The following ENPP7 variants were observed in gnomAD, a reference collection of about 807,000 sequenced individuals.
The protein encoded by ENPP7 is ectonucleotide pyrophosphatase/phosphodiesterase family member 7.
Under a neutral mutation model 33.6 loss-of-function variants are expected in ENPP7, and 39 were observed. That is an observed-to-expected ratio of 1.16 (90% CI 0.90 to 1.52). The LOEUF (loss-of-function observed/expected upper bound fraction) is 1.52, where lower values mean the gene tolerates loss of function less well. ENPP7 is among the 40% of genes most tolerant of loss of function. ENPP7 has a pLI of 0.00. For synonymous variants in ENPP7, 244 were observed against 274.3 expected (o/e 0.89, Z 1.09); for missense variants, 594 against 641.0 (o/e 0.93, Z 0.79).
chr17:79,737,989 G>A lies in ENPP7; in HGVS notation c.1320G>A (p.Arg440=), dbSNP rs782213260. ...KGRSALPPSS[R]PLLVMGLLGT... Reference sequence around the variant, plus strand: ...GATCTGCTCTCCCGCCCAGCAGCAGGCCCCTCCTCGTGATGGGACTGCTGG... The same window carrying A: ...GATCTGCTCTCCCGCCCAGCAGCAGACCCCTCCTCGTGATGGGACTGCTGG... The change falls in exon 5 of 6, where the codon AGG becomes AGA. Residue 440 remains arginine (R), a synonymous_variant. Transcript: ENST00000328313. The surrounding 1 kb of genome is among the most constrained non-coding windows in gnomAD (Gnocchi z 5.5). 4 of 1,613,420 alleles carry A rather than the reference G, an allele frequency of 2.5e-6. No homozygotes were observed. The highest frequency in any genetic ancestry group is 2.2e-5 in the South Asian group (2 of 91,070).
chr17:79,735,401 AC>A lies in ENPP7; in HGVS notation c.759del (p.Asp253GlufsTer79). The A allele has an allele frequency of 6.2e-7, 1 of 1,614,070 alleles. No individual in the cohort carries two copies. Among genetic ancestry groups the A allele is most frequent in the Admixed American group, 1.7e-5 (1 of 60,014 alleles). ...ITSDHGMTTV[D>X]KRAGDLVEFH... ...TCCGACCACGGCATGACGACCGTGG[AC>A]AAACGGGCTGGCGACCTGGTTGAAT... On this transcript the variant is annotated frameshift_variant, in exon 3 of 6. Coordinates refer to ENST00000328313, the MANE Select transcript of ENPP7 (RefSeq NM_178543.5). LOFTEE classifies it high-confidence loss of function. The surrounding 1 kb of genome is among the most constrained non-coding windows in gnomAD (Gnocchi z 5.5).
At chr17:79,731,900 C>A (rs1289027360) in intron 1 of ENPP7, among the ~76,000 whole-genome samples, 5 of 151,990 alleles carry the variant, frequency 3.3e-5, no homozygotes, top group Admixed American at 1.3e-4. Context: ...GAGTTCGAGA[C>A]CTGCCTGGCC....
rs1905545857 is a variant in ENPP7, at chr17:79,741,814, G to A, written c.*37G>A. The A allele has an allele frequency of 6.1e-6, 6 of 986,084 alleles. No homozygotes were observed. The highest frequency in any genetic ancestry group is 9.4e-5 in the South Asian group (2 of 21,326). 61.1% of individuals were successfully genotyped at this position (986,084 alleles called of 1,614,324 possible). On this transcript the variant is annotated 3_prime_UTR_variant, in exon 6 of 6. Coordinates refer to ENST00000328313, the MANE Select transcript of ENPP7 (RefSeq NM_178543.5). ...TCCAGGAAGCCGCCGGGAGCTGCCC[G>A]CAGGCCCTGGGCCGGCTGTCTCGCT...
intron 1 of ENPP7, among the ~76,000 whole-genome samples, chr17:79,732,645 A>T (rs1256118899): frequency 6.6e-6 from 1 of 152,120 alleles, no homozygotes; most frequent in Non-Finnish European, 1.5e-5. Flanking sequence ...ACGTCTCCCC[A>T]GGGCCTTTCC....
Position 79,731,229 on chromosome 17 carries a change from G to T in ENPP7, c.90G>T (p.Gln30His). 6.2e-7 allele frequency: 1 copy of T among 1,613,084 alleles called. No homozygotes were observed. Among genetic ancestry groups the T allele is most frequent in the Non-Finnish European group, 8.5e-7 (1 of 1,179,976 alleles). The change falls in exon 1 of 6, where the codon CAG becomes CAT. Residue 30 changes from glutamine to histidine, a missense_variant. Coordinates refer to ENST00000328313, the MANE Select transcript of ENPP7 (RefSeq NM_178543.5). ...AGAPVQSQGS[Q>H]NKLLLVSFDG... ...CACCGGTACAAAGTCAGGGCTCCCA[G>T]AACAAGCTGCTCCTGGTGTCCTTCG...
chr17:79,734,914 T>C, intron 2 of ENPP7, 129 bp from the exon 3 acceptor site: 9 of 935,826 alleles, frequency 9.6e-6, no homozygotes, highest in Non-Finnish European at 1.4e-5. Flanking sequence ...GCCCCGCAGC[T>C]GCAGCTAGGA....
chr17:79,735,225 C>G lies in ENPP7; in HGVS notation c.582C>G (p.Tyr194Ter), dbSNP rs1555823272. The G allele has an allele frequency of 6.2e-7, 1 of 1,613,428 alleles. No individual in the cohort carries two copies. Among genetic ancestry groups the G allele is most frequent in the Non-Finnish European group, 8.5e-7 (1 of 1,180,020 alleles). Reference protein sequence around the residue: ...TEEDLDLVTLYFGEPDSTGHR... With the variant: ...TEEDLDLVTL ...AGGACCTGGATCTGGTCACACTCTA[C>G]TTCGGGGAGCCGGACTCCACGGGCC... The change falls in exon 3 of 6, where the codon TAC becomes TAG. Residue 194 changes from tyrosine (Y) to a stop codon, truncating the protein, a stop_gained. Transcript: ENST00000328313. LOFTEE classifies it high-confidence loss of function. The surrounding 1 kb of genome is among the most constrained non-coding windows in gnomAD (Gnocchi z 5.5).
rs2094294553 is a variant in ENPP7, at chr17:79,735,728, C to T, written c.1026+59C>T. 1.6e-5 allele frequency: 20 copies of T among 1,244,840 alleles called. No homozygotes were observed. Among genetic ancestry groups the T allele is most frequent in the Admixed American group, 7.4e-5 (3 of 40,482 alleles). The allele number at this position is 1,244,840 out of a possible 1,614,324, so 77.1% of individuals were successfully genotyped here. On this transcript the variant is annotated intron_variant, in intron 3 of 5. Transcript: ENST00000328313. This position sits in a 1 kb window ranked among gnomAD's most constrained non-coding sequence, Gnocchi z 5.5. ...GCTCCCTCCCCAGGCTCTGGGTCTT[C>T]TTTTTTTTTTTTTGAGACCAGGGTC... is the stretch of plus-strand genomic sequence containing the variant.
intron 1 of ENPP7, among the ~76,000 whole-genome samples, chr17:79,732,132 G>GTGTA (rs1555822665): frequency 3.9e-4 from 19 of 48,394 alleles, no homozygotes; most frequent in African/African-American, 1.5e-3. Flanking sequence ...ATATATATAT[G>GTGTA]TATATATATA....
intron 1 of ENPP7, 118 bp downstream of exon 1, chr17:79,731,510 C>A: frequency 8.0e-7 from 1 of 1,250,888 alleles, no homozygotes; most frequent in Non-Finnish European, 1.1e-6. Flanking sequence ...AGGACAGAGC[C>A]AAGGGGACCA....
In ENPP7 at chr17:79,738,047, C is replaced by T. The variant is rs146879039; in HGVS notation, c.*1C>T. 1.3e-3 allele frequency: 2,108 copies of T among 1,609,874 alleles called. 3 individuals are homozygous for T. The highest frequency in any genetic ancestry group is 1.7e-3 in the Non-Finnish European group (1,973 of 1,179,862). ...GATTCTTCTGTCTGAGGTCGCATAA[C>T]GCCCCATGGCTCAAGGTCAGAGACC... On this transcript the variant is annotated 3_prime_UTR_variant, in exon 5 of 6. Transcript: ENST00000328313. This position sits in a 1 kb window ranked among gnomAD's most constrained non-coding sequence, Gnocchi z 6.2.
chr17:79,732,125 T>C (rs1206544058), intron 1 of ENPP7, among the ~76,000 whole-genome samples: 4 of 38,676 alleles, frequency 1.0e-4, no homozygotes, highest in South Asian at 1.8e-3. Flanking sequence ...TATATACATA[T>C]ATATATGTAT....
chr17:79,735,685 G>A lies in ENPP7; in HGVS notation c.1026+16G>A. 1 of 1,593,068 alleles carries A rather than the reference G, an allele frequency of 6.3e-7. No individual in the cohort carries two copies. Among genetic ancestry groups the A allele is most frequent in the Non-Finnish European group, 8.6e-7 (1 of 1,167,182 alleles). ...CATCCATGGGGTGAGTCGCCTGCTG[G>A]AGGCACCACCTCCAGGGGCTCCCTC... On this transcript the variant is annotated intron_variant, in intron 3 of 5. Transcript: ENST00000328313. The surrounding 1 kb of genome is among the most constrained non-coding windows in gnomAD (Gnocchi z 5.5).
At chr17:79,734,925 G>A in intron 2 of ENPP7, 118 bp from the exon 3 acceptor site, 4 of 1,043,302 alleles carry the variant, frequency 3.8e-6, no homozygotes, top group Non-Finnish European at 5.5e-6. Context: ...GCAGCTAGGA[G>A]CAGGGATGGG....
In ENPP7 at chr17:79,737,145, GGA is replaced by G; in HGVS notation, c.1133_1134del (p.Glu378GlyfsTer5). The G allele has an allele frequency of 6.2e-7, 1 of 1,614,100 alleles. No individual in the cohort carries two copies. The highest frequency in any genetic ancestry group is 8.5e-7 in the Non-Finnish European group (1 of 1,180,030). On this transcript the variant is annotated frameshift_variant, in exon 4 of 6. Coordinates refer to ENST00000328313, the MANE Select transcript of ENPP7 (RefSeq NM_178543.5). LOFTEE classifies it high-confidence loss of function. This position sits in a 1 kb window ranked among gnomAD's most constrained non-coding sequence, Gnocchi z 5.5. Reference sequence around the variant, plus strand: ...TGGGCCCTAGCTTCAGGGCGGGCCTGGAGGTGGAGCCCTTTGAGAGCGTCCAC... The same window carrying G: ...TGGGCCCTAGCTTCAGGGCGGGCCTGGGTGGAGCCCTTTGAGAGCGTCCAC... ...AVGPSFRAGL[E>X]VEPFESVHVY...
In ENPP7 at chr17:79,735,592, G is replaced by A. The variant is rs781850659; in HGVS notation, c.949G>A (p.Glu317Lys). The change falls in exon 3 of 6, where the codon GAG becomes AAG. Residue 317 changes from glutamate (E) to lysine (K), a missense_variant. Coordinates refer to ENST00000328313, the MANE Select transcript of ENPP7 (RefSeq NM_178543.5). The surrounding 1 kb of genome is among the most constrained non-coding windows in gnomAD (Gnocchi z 5.5). Reference protein sequence around the residue: ...LHVYKKEAFPEAFHYANNPRV... With the variant: ...LHVYKKEAFPKAFHYANNPRV... ...CGTCTACAAGAAGGAGGCGTTCCCCGAGGCCTTCCACTACGCCAACAACCC... is the reference window on the plus strand; with the variant it reads ...CGTCTACAAGAAGGAGGCGTTCCCCAAGGCCTTCCACTACGCCAACAACCC... 13 of 1,613,696 alleles carry A rather than the reference G, an allele frequency of 8.1e-6. No individual in the cohort carries two copies. The highest frequency in any genetic ancestry group is 3.3e-5 in the South Asian group (3 of 91,080).
chr17:79,731,780 C>A (rs62077883), intron 1 of ENPP7, among the ~76,000 whole-genome samples: 85,329 of 151,956 alleles, frequency 0.56, 25,034 homozygotes, highest in Admixed American at 0.67. Flanking sequence ...AGGCTGTAGA[C>A]AATACAGACA....
chr17:79,731,843 A>G (rs1411375005), intron 1 of ENPP7, among the ~76,000 whole-genome samples: 1 of 152,290 alleles, frequency 6.6e-6, no homozygotes, highest in East Asian at 1.9e-4. Flanking sequence ...CACGCCTGTA[A>G]TCCCAGCACT....
rs79341541 is a variant in ENPP7, at chr17:79,731,329, G to T, written c.190G>T (p.Ala64Ser). The stretch of plus-strand genomic sequence containing the variant: ...CGCCATGGCCCGAGACGGGGTGAAG[G>T]CACGCTACATGACCCCCGCCTTTGT... ...LDAMARDGVK[A>S]RYMTPAFVTM... Residue 64 changes from alanine (A) to serine (S), a missense_variant, in exon 1 of 6, where the codon GCA (alanine) becomes TCA (serine). Transcript: ENST00000328313. The T allele has an allele frequency of 8.9e-5, 143 of 1,613,694 alleles. No homozygotes were observed. In the African/African-American group the frequency reaches 1.4e-3, roughly 16 times the overall value.
Sources: allele counts gnomAD v4.1 joint callset (sites outside exome capture counted in the v4.1 genomes callset), GRCh38; gene constraint gnomAD v4.1.1; non-coding constraint Gnocchi (gnomAD v3.1); transcripts MANE v1.5; gene names NCBI Gene and HGNC (gene_info 2026-07-23, HGNC 2026-07-21).